The following DAB1 variants were observed in gnomAD, a reference collection of about 807,000 sequenced individuals.
The protein encoded by DAB1 is disabled homolog 1.
Under a neutral mutation model 64.6 loss-of-function variants are expected in DAB1, and 15 were observed. That is an observed-to-expected ratio of 0.23 (90% CI 0.16 to 0.36). DAB1 has a LOEUF of 0.36. Among genes scored for constraint, DAB1 ranks in the 10% least tolerant of loss-of-function variants. The pLI, the probability that DAB1 is intolerant of heterozygous loss-of-function variation, is 1.00. For missense variants in DAB1, 596 were observed against 706.7 expected, an observed-to-expected ratio of 0.84 and a Z score of 1.78; for synonymous variants, 235 against 251.9, an observed-to-expected ratio of 0.93 and a Z score of 0.64.
At chr1:58,150,838 C>T (rs1304673014) in intron 4 of DAB1, among the ~76,000 whole-genome samples, 1 of 152,136 alleles carries the variant, frequency 6.6e-6, no homozygotes, top group African/African-American at 2.4e-5. Context: ...TCCCTCCCCC[C>T]ACCGTCCCCT....
intron 6 of DAB1, among the ~76,000 whole-genome samples, chr1:57,692,163 C>G (rs1041697692): frequency 6.6e-6 from 1 of 152,130 alleles, no homozygotes; most frequent in African/African-American, 2.4e-5. Flanking sequence ...GCCCATCTAT[C>G]CTTTCTATCC....
At chr1:57,105,770 C>G (rs964740946) in intron 4 of DAB1, among the ~76,000 whole-genome samples, 2 of 152,278 alleles carry the variant, frequency 1.3e-5, no homozygotes, top group African/African-American at 2.4e-5. Context: ...TTTTCCTTAA[C>G]GTTTTCTTCT....
chr1:57,483,571 C>A (rs1021397947), intron 7 of DAB1, among the ~76,000 whole-genome samples: 6 of 152,124 alleles, frequency 3.9e-5, no homozygotes, highest in African/African-American at 7.2e-5. Flanking sequence ...TGAGAACAGA[C>A]TAATACATTT....
At chr1:57,285,452 T>C (rs1446228242) in intron 2 of DAB1, among the ~76,000 whole-genome samples, 1 of 152,050 alleles carries the variant, frequency 6.6e-6, no homozygotes, top group African/African-American at 2.4e-5. Flanking sequence ...TTTGTATTTT[T>C]AGTAGAGACA....
chr1:58,142,670 CT>C (rs1654354532), intron 5 of DAB1, among the ~76,000 whole-genome samples: 1 of 152,190 alleles, frequency 6.6e-6, no homozygotes, highest in African/African-American at 2.4e-5. Context: ...TTCTGTTCCC[CT>C]AACCTTCTAT....
At chr1:57,925,368 G>A (rs1032764461) in intron 5 of DAB1, among the ~76,000 whole-genome samples, 2 of 152,142 alleles carry the variant, frequency 1.3e-5, no homozygotes, top group East Asian at 1.9e-4. Context: ...AACAACCAGC[G>A]TTTCCAGCAT....
At chr1:57,147,892 A>G (rs762493733) in intron 2 of DAB1, among the ~76,000 whole-genome samples, 6 of 152,218 alleles carry the variant, frequency 3.9e-5, no homozygotes, top group African/African-American at 7.2e-5. Context: ...CTTACTGAGT[A>G]GAACCTGAAC....
At chr1:57,203,310 T>C (rs992240013) in intron 2 of DAB1, among the ~76,000 whole-genome samples, 9 of 152,200 alleles carry the variant, frequency 5.9e-5, no homozygotes, top group African/African-American at 2.2e-4. Flanking sequence ...AGCTTCTCCA[T>C]TAAGCTTTGT....
chr1:57,831,645 T>G (rs1006472480), intron 1 of DAB1, among the ~76,000 whole-genome samples: 2 of 149,396 alleles, frequency 1.3e-5, no homozygotes, highest in African/African-American at 4.9e-5. Context: ...GGGGAACAAG[T>G]GATCCTCCCA....
intron 1 of DAB1, among the ~76,000 whole-genome samples, chr1:57,856,248 T>C (rs1653749719): frequency 6.6e-6 from 1 of 151,992 alleles, no homozygotes; most frequent in Non-Finnish European, 1.5e-5. Flanking sequence ...CCTTATAGAT[T>C]AAGAAAAGTA....
At chr1:57,151,282 A>G (rs981875774) in intron 2 of DAB1, among the ~76,000 whole-genome samples, 4 of 152,186 alleles carry the variant, frequency 2.6e-5, no homozygotes, top group Non-Finnish European at 4.4e-5. Context: ...TGATTCATTC[A>G]TTCCTTTATT....
At chr1:57,496,039 T>A (rs1160658819) in intron 7 of DAB1, among the ~76,000 whole-genome samples, 1 of 152,254 alleles carries the variant, frequency 6.6e-6, no homozygotes, top group Non-Finnish European at 1.5e-5. Flanking sequence ...TGATTACTGT[T>A]CCATGATGAA....
At chr1:58,209,529 A>C (rs1045572845) in intron 4 of DAB1, among the ~76,000 whole-genome samples, 1 of 151,452 alleles carries the variant, frequency 6.6e-6, no homozygotes, top group Non-Finnish European at 1.5e-5. Context: ...GAAAAGCATG[A>C]AAAAAAAAGC....
chr1:58,227,616 T>C (rs1281548966), intron 4 of DAB1, among the ~76,000 whole-genome samples: 1 of 152,066 alleles, frequency 6.6e-6, no homozygotes, highest in African/African-American at 2.4e-5. Context: ...AATAAGAAAG[T>C]CACGAAAGTT....
intron 5 of DAB1, among the ~76,000 whole-genome samples, chr1:57,996,751 C>G (rs886735140): frequency 2.6e-5 from 4 of 152,122 alleles, no homozygotes; most frequent in Admixed American, 6.6e-5. Flanking sequence ...AATGTTGGGA[C>G]AAATTATTTT....
intron 1 of DAB1, among the ~76,000 whole-genome samples, chr1:58,539,895 A>G (rs1646577861): frequency 6.6e-6 from 1 of 152,144 alleles, no homozygotes; most frequent in Non-Finnish European, 1.5e-5. Context: ...CAAGGTTGCT[A>G]GAGCTCACAG....
intron 5 of DAB1, among the ~76,000 whole-genome samples, chr1:57,971,555 A>G (rs1193875723): frequency 6.6e-6 from 1 of 152,234 alleles, no homozygotes; most frequent in Non-Finnish European, 1.5e-5. Flanking sequence ...TTTGAGTCTC[A>G]GTTAACTCAT....
chr1:57,189,918 T>C (rs890495088), intron 2 of DAB1, among the ~76,000 whole-genome samples: 1 of 151,154 alleles, frequency 6.6e-6, no homozygotes, highest in African/African-American at 2.4e-5. Flanking sequence ...GCAGAATACC[T>C]GAGAGTGTAC....
chr1:57,221,501 T>A (rs1666871209), intron 2 of DAB1, among the ~76,000 whole-genome samples: 1 of 151,450 alleles, frequency 6.6e-6, no homozygotes, highest in Non-Finnish European at 1.5e-5. Context: ...TTTACCCAAA[T>A]CTATTTTCAC....
Sources: gnomAD v4.1 joint callset for allele counts (sites outside exome capture counted in the v4.1 genomes callset) on GRCh38, gnomAD v4.1.1 for gene constraint, MANE v1.5 for transcripts, NCBI Gene and HGNC (gene_info 2026-07-23, HGNC 2026-07-21) for gene names.